Variants in TBC1D23 observed in about 807,000 individuals in gnomAD.
The protein encoded by TBC1D23 is HCV non-structural protein 4A-transactivated protein 1.
In TBC1D23, 55 loss-of-function variants were observed where a neutral mutation model predicts 91.4. The ratio of observed to expected loss-of-function variants is 0.60; its 90% CI spans 0.48 to 0.75. TBC1D23 has a LOEUF of 0.75. TBC1D23 is among the 30% of genes least tolerant of loss of function. TBC1D23 has a pLI of 0.00. For missense variants in TBC1D23, 725 were observed against 836.1 expected (o/e 0.87, Z 1.64); for synonymous variants, 289 against 281.0 (o/e 1.03, Z -0.28).
At position 100,264,164 on chromosome 3, in the gene TBC1D23, CTTGTTTTGTT is replaced by C. The variant is rs1434603278; in HGVS notation, c.53+3104_53+3113del. ...GGTTATAGAATGGGGATGCTTTACTCTTGTTTTGTTTTGTTTTGTTGAAGAAACGAGGTCT... is the reference window on the plus strand; with the variant it reads ...GGTTATAGAATGGGGATGCTTTACTCTTGTTTTGTTGAAGAAACGAGGTCT... On this transcript the variant is annotated intron_variant, in intron 1 of 18. Transcript: ENST00000394144. 5.3e-5 allele frequency among the ~76,000 whole-genome samples: 8 copies of C among 151,940 alleles called. No homozygotes were observed. The South Asian group carries it at 1.5e-3, about 28-fold the overall frequency.
chr3:100,278,467 C>T (rs1387812367), intron 1 of TBC1D23, among the ~76,000 whole-genome samples: 1 of 151,330 alleles, frequency 6.6e-6, no homozygotes, highest in Admixed American at 6.6e-5. Flanking sequence ...CTCACTGCAA[C>T]CTCCGCCTCC....
At chr3:100,299,417 A>T in intron 10 of TBC1D23, 86 bp downstream of exon 10, 1 of 737,056 alleles carries the variant, frequency 1.4e-6, no homozygotes, top group Non-Finnish European at 2.1e-6. Context: ...AGATTGGGGA[A>T]TTTTTTTCTT....
intron 11 of TBC1D23, among the ~76,000 whole-genome samples, chr3:100,303,294 T>C (rs1705465598): frequency 6.6e-6 from 1 of 152,162 alleles, no homozygotes; most frequent in African/African-American, 2.4e-5. Flanking sequence ...GGGAATCTGG[T>C]TTGAAAAAAT....
chr3:100,320,744 T>C, intron 17 of TBC1D23, 33 bp from the exon 18 acceptor site: 1 of 1,352,282 alleles, frequency 7.4e-7, no homozygotes, highest in South Asian at 1.8e-5. Context: ...TACTTAAAAA[T>C]TCTTTTTCTT....
chr3:100,286,591 G>A (rs112057398), intron 4 of TBC1D23, among the ~76,000 whole-genome samples: 1 of 151,968 alleles, frequency 6.6e-6, no homozygotes, highest in African/African-American at 2.4e-5. Flanking sequence ...TCTGCCTCCT[G>A]GATTCAAGTG....
At chr3:100,295,382 G>C in intron 7 of TBC1D23, 34 bp downstream of exon 7, 1 of 1,553,560 alleles carries the variant, frequency 6.4e-7, no homozygotes, top group South Asian at 1.2e-5. Context: ...AAACATTTCA[G>C]GTCTCTTTAT....
In TBC1D23 at chr3:100,284,057, G is replaced by C. The variant is rs1559804199; in HGVS notation, c.476+246G>C. 1.2e-5 allele frequency: 5 copies of C among 419,584 alleles called. No homozygotes were observed. The South Asian group carries it at 2.3e-4, about 19-fold the overall frequency. 26.0% of individuals were successfully genotyped at this position (419,584 alleles called of 1,614,324 possible). On this transcript the variant is annotated intron_variant, in intron 4 of 18. Coordinates refer to ENST00000394144, the MANE Select transcript of TBC1D23 (RefSeq NM_001199198.3). Reference sequence around the variant, plus strand: ...GTTGGAGTTGGGGAGGAAGTGGGGAGATTTAGGTCAAAAGGATACAAAATA... The same window carrying C: ...GTTGGAGTTGGGGAGGAAGTGGGGACATTTAGGTCAAAAGGATACAAAATA...
intron 3 of TBC1D23, 140 bp downstream of exon 3, chr3:100,281,987 T>A (rs2067698980): frequency 1.9e-6 from 1 of 523,460 alleles, no homozygotes; most frequent in South Asian, 2.9e-5. Flanking sequence ...CTTTGGAAAT[T>A]CTTATGAAAT....
chr3:100,293,580 CTG>C (rs1390341490), intron 5 of TBC1D23, among the ~76,000 whole-genome samples: 2 of 152,180 alleles, frequency 1.3e-5, no homozygotes, highest in African/African-American at 2.4e-5. Flanking sequence ...TTAAAGATGA[CTG>C]TGTATTGCTA....
intron 8 of TBC1D23, among the ~76,000 whole-genome samples, chr3:100,297,212 G>A (rs550886381): frequency 4.6e-5 from 7 of 152,130 alleles, no homozygotes; most frequent in African/African-American, 1.7e-4. Flanking sequence ...ATAATTTCTA[G>A]TTGGTACTCA....
chr3:100,300,651 G>A (rs935750751), intron 10 of TBC1D23, among the ~76,000 whole-genome samples: 4 of 151,730 alleles, frequency 2.6e-5, no homozygotes, highest in Admixed American at 6.6e-5. Context: ...GCAGGTGTGC[G>A]CCACCATGCC....
At chr3:100,278,373 A>G (rs771860404) in intron 1 of TBC1D23, among the ~76,000 whole-genome samples, 2 of 151,980 alleles carry the variant, frequency 1.3e-5, no homozygotes, top group Non-Finnish European at 2.9e-5. Flanking sequence ...GAAAATTCCT[A>G]AGGAATTGAT....
Position 100,316,079 on chromosome 3 carries a change from C to T in TBC1D23, c.1599-20C>T, listed in dbSNP as rs376293493. 3 of 1,583,260 alleles carry T rather than the reference C, an allele frequency of 1.9e-6. No individual in the cohort carries two copies. The highest frequency in any genetic ancestry group is 1.3e-5 in the African/African-American group (1 of 74,244). On this transcript the variant is annotated intron_variant, in intron 15 of 18. Coordinates refer to ENST00000394144, the MANE Select transcript of TBC1D23 (RefSeq NM_001199198.3). ...AACTTCTTAAGTGATTATTTCTCTC[C>T]TAAAATTCTTTGAATATAGGCATGT...
chr3:100,296,948 A>G (rs1319019658), intron 8 of TBC1D23, among the ~76,000 whole-genome samples: 2 of 151,966 alleles, frequency 1.3e-5, no homozygotes, highest in Non-Finnish European at 1.5e-5. Context: ...TCAGGCTTGT[A>G]TAGTCTTAAT....
chr3:100,273,833 A>ATT (rs1481799048), intron 1 of TBC1D23, among the ~76,000 whole-genome samples: 3 of 152,210 alleles, frequency 2.0e-5, no homozygotes, highest in African/African-American at 7.2e-5. Context: ...TTGAAACTGG[A>ATT]TCCCTTCTTT....
intron 1 of TBC1D23, among the ~76,000 whole-genome samples, chr3:100,274,890 AC>A (rs2067634290): frequency 8.7e-6 from 1 of 115,104 alleles, no homozygotes; most frequent in South Asian, 3.2e-4. Flanking sequence ...TGCATACAGT[AC>A]ACACCCCCCC....
At chr3:100,290,250 A>G (rs967525256) in intron 4 of TBC1D23, among the ~76,000 whole-genome samples, 3 of 152,178 alleles carry the variant, frequency 2.0e-5, no homozygotes, top group Non-Finnish European at 4.4e-5. Context: ...TTTTTGGCAG[A>G]GAAGGAAGGA....
intron 10 of TBC1D23, among the ~76,000 whole-genome samples, chr3:100,301,197 T>C (rs887566178): frequency 4.1e-5 from 6 of 146,600 alleles, no homozygotes; most frequent in African/African-American, 1.5e-4. Flanking sequence ...CCCAGCTATT[T>C]GGGAGGCGGA....
rs757433921 is a variant in TBC1D23 at position 100,306,591 on chromosome 3, A to G, written c.1413+48A>G. ...TTACCGGATTTGGATAAGTTCCCAG[A>G]AAAGGTGATTAACTACTAAACCCCC... is the stretch of plus-strand genomic sequence containing the variant. On this transcript the variant is annotated intron_variant, in intron 13 of 18. Coordinates refer to ENST00000394144, the MANE Select transcript of TBC1D23 (RefSeq NM_001199198.3). 1.5e-5 allele frequency: 17 copies of G among 1,157,802 alleles called. No homozygotes were observed. The South Asian group carries it at 2.2e-4, about 15-fold the overall frequency. The allele number at this position is 1,157,802 out of a possible 1,614,324, so 71.7% of individuals were successfully genotyped here.
Sources: gnomAD v4.1 joint callset for allele counts (sites outside exome capture counted in the v4.1 genomes callset) on GRCh38, gnomAD v4.1.1 for gene constraint, MANE v1.5 for transcripts, NCBI Gene and HGNC (gene_info 2026-07-23, HGNC 2026-07-21) for gene names.